Variants in XXYLT1 observed in about 807,000 individuals in gnomAD.
XXYLT1 encodes UDP-xylose:alpha-xyloside alpha-1,3-xylosyltransferase.
In XXYLT1, 20 loss-of-function variants were observed where a neutral mutation model predicts 28.9. That is an observed-to-expected ratio of 0.69 (90% CI 0.49 to 1.00). The LOEUF (loss-of-function observed/expected upper bound fraction) is 1.00. Ranked by LOEUF, XXYLT1 falls within the 50% of genes least tolerant of loss-of-function variation. The probability of loss-of-function intolerance (pLI) is 0.00; values close to 1 mark genes in which losing one functional copy is unlikely to be tolerated. For synonymous variants in XXYLT1, 257 were observed against 253.8 expected (o/e 1.01, Z -0.12); for missense variants, 542 against 560.1 (o/e 0.97, Z 0.33).
chr3:195,163,117 CAG>C (rs1212212813), intron 2 of XXYLT1, among the ~76,000 whole-genome samples: 1 of 152,030 alleles, frequency 6.6e-6, no homozygotes, highest in Non-Finnish European at 1.5e-5. Flanking sequence ...GGCTTTTTTT[CAG>C]AGACCCCTGG....
At chr3:195,132,199 T>G (rs1718938480) in intron 3 of XXYLT1, among the ~76,000 whole-genome samples, 1 of 152,250 alleles carries the variant, frequency 6.6e-6, no homozygotes, top group African/African-American at 2.4e-5. Flanking sequence ...GTGCCTCAGC[T>G]TCCTCACTTC....
intron 3 of XXYLT1, among the ~76,000 whole-genome samples, chr3:195,099,700 G>A (rs1164084402): frequency 6.6e-6 from 1 of 151,974 alleles, no homozygotes; most frequent in African/African-American, 2.4e-5. Context: ...GCGTGGTGGT[G>A]GGCACCTGCA....
chr3:195,143,837 G>GATATATAT (rs1491130099), intron 3 of XXYLT1, among the ~76,000 whole-genome samples: 2 of 70,416 alleles, frequency 2.8e-5, no homozygotes, highest in African/African-American at 1.1e-4. Context: ...TATAGATATA[G>GATATATAT]ATATAGATAT....
chr3:195,126,820 C>A (rs1165950820), intron 3 of XXYLT1, among the ~76,000 whole-genome samples: 1 of 152,210 alleles, frequency 6.6e-6, no homozygotes, highest in Non-Finnish European at 1.5e-5. Flanking sequence ...GCCCTCTGCT[C>A]TGACCTGGCT....
chr3:195,175,596 T>C (rs1047067899), intron 2 of XXYLT1: 20 of 1,535,950 alleles, frequency 1.3e-5, no homozygotes, highest in Admixed American at 2.0e-5. Flanking sequence ...AGGTCTCAGA[T>C]GGACACGGTA....
rs933794194 is a variant in XXYLT1, at chr3:195,240,658, A to G, written c.505-13802T>C. On this transcript the variant is annotated intron_variant, in intron 1 of 3. Transcript: ENST00000310380. This position sits in a 1 kb window ranked among gnomAD's most constrained non-coding sequence, Gnocchi z 4.7. ...AACGCCACAGGTCGGCCGGAGGCCA[A>G]GGGTTCACCCATCTCCTCCCCATGC... 6.6e-6 allele frequency among the ~76,000 whole-genome samples: 1 copy of G among 152,222 alleles called. No homozygotes were observed. Among genetic ancestry groups the G allele is most frequent in the African/African-American group, 2.4e-5 (1 of 41,464 alleles).
Position 195,143,879 on chromosome 3 carries a change from T to TAG in XXYLT1, c.785+12569_785+12570insCT, listed in dbSNP as rs1719682845. On this transcript the variant is annotated intron_variant, in intron 3 of 3. Transcript: ENST00000310380. ...AGATATATATAGATATAGATATATA[T>TAG]ATATATATATTTATTTTTTATTTTT... Among the ~76,000 whole-genome samples the TAG allele has an allele frequency of 7.8e-5, 10 of 128,766 alleles. 2 individuals are homozygous for TAG. The highest frequency in any genetic ancestry group is 5.7e-4 in the South Asian group (2 of 3,522). The allele number at this position is 128,766 out of a possible 152,430, so 84.5% of individuals were successfully genotyped here. A position where few individuals can be genotyped will look rare whatever the true frequency, so the allele number is the denominator to read the frequency against.
At chr3:195,112,583 G>C (rs6806322) in intron 3 of XXYLT1, among the ~76,000 whole-genome samples, 4 of 133,396 alleles carry the variant, frequency 3.0e-5, no homozygotes, top group Middle Eastern at 5.1e-3. Flanking sequence ...ACACACGCAC[G>C]CACACACACA....
intron 2 of XXYLT1, among the ~76,000 whole-genome samples, chr3:195,201,325 C>A (rs917436688): frequency 2.2e-4 from 33 of 152,190 alleles, no homozygotes; most frequent in African/African-American, 7.7e-4. Context: ...GGTGCTCTAT[C>A]TATCCTGGGG....
chr3:195,071,290 C>T (rs1445462679), intron 3 of XXYLT1, among the ~76,000 whole-genome samples: 2 of 152,216 alleles, frequency 1.3e-5, no homozygotes, highest in Non-Finnish European at 2.9e-5. Flanking sequence ...CCACCGGCCC[C>T]CGCAGAGAGA....
chr3:195,155,118 C>A (rs1720494341), intron 3 of XXYLT1, among the ~76,000 whole-genome samples: 1 of 152,232 alleles, frequency 6.6e-6, no homozygotes, highest in East Asian at 1.9e-4. Context: ...GAAAAGTCCA[C>A]ACGGCCCAAG....
intron 2 of XXYLT1, among the ~76,000 whole-genome samples, chr3:195,216,192 GC>G (rs1456870934): frequency 6.6e-6 from 1 of 151,930 alleles, no homozygotes; most frequent in South Asian, 2.1e-4. Context: ...AGCACTAAGT[GC>G]CCACAAGAGA....
chr3:195,239,665 C>T (rs1266305286), intron 1 of XXYLT1, among the ~76,000 whole-genome samples: 1 of 152,214 alleles, frequency 6.6e-6, no homozygotes, highest in East Asian at 1.9e-4. Context: ...CTATTTCCCA[C>T]ACCCAGCTTA....
intron 3 of XXYLT1, among the ~76,000 whole-genome samples, chr3:195,112,229 C>T (rs952698525): frequency 3.3e-5 from 5 of 152,136 alleles, no homozygotes; most frequent in African/African-American, 9.7e-5. Context: ...TACTGGAATC[C>T]GGGTCAGGTT....
chr3:195,215,880 C>A (rs1274983475), intron 2 of XXYLT1, among the ~76,000 whole-genome samples: 2 of 152,188 alleles, frequency 1.3e-5, no homozygotes, highest in South Asian at 4.1e-4. Context: ...TTTTTTTCAG[C>A]ACCACACCAC....
intron 3 of XXYLT1, among the ~76,000 whole-genome samples, chr3:195,110,836 G>T (rs796279244): frequency 0.031 from 1,453 of 46,556 alleles, 28 homozygotes; most frequent in African/African-American, 0.098. Flanking sequence ...GTGTGTGTGT[G>T]GTGTGTTGTG....
chr3:195,207,436 G>C (rs767416959), intron 2 of XXYLT1: 12 of 456,266 alleles, frequency 2.6e-5, no homozygotes, highest in South Asian at 1.9e-4. Context: ...TTGGAAAGTG[G>C]GACCGACAGA....
At chr3:195,074,114 C>T (rs1334321018) in intron 3 of XXYLT1, among the ~76,000 whole-genome samples, 3 of 152,144 alleles carry the variant, frequency 2.0e-5, no homozygotes, top group Non-Finnish European at 4.4e-5. Context: ...TTTCTCAGCT[C>T]CTCAGGTCGA....
Position 195,195,821 on chromosome 3 carries a change from T to C in XXYLT1, c.652+30888A>G, listed in dbSNP as rs1722602894. ...GGAGTTCAGCACCGCCAGCCACACC[T>C]GCCATGGTCTAGACACAGTCCTGTT... is the stretch of plus-strand genomic sequence containing the variant. On this transcript the variant is annotated intron_variant, in intron 2 of 3. Transcript: ENST00000310380. This position sits in a 1 kb window ranked among gnomAD's most constrained non-coding sequence, Gnocchi z 4.4. 6.6e-6 allele frequency among the ~76,000 whole-genome samples: 1 copy of C among 152,178 alleles called. No individual in the cohort carries two copies.
Sources: gnomAD v4.1 joint callset for allele counts (sites outside exome capture counted in the v4.1 genomes callset) on GRCh38, gnomAD v4.1.1 for gene constraint, Gnocchi (gnomAD v3.1) non-coding constraint, MANE v1.5 for transcripts, NCBI Gene and HGNC (gene_info 2026-07-23, HGNC 2026-07-21) for gene names.